CDH12: variants seen among roughly 807,000 people sequenced by gnomAD.
The protein encoded by CDH12 is cadherin-12.
A neutral mutation model predicts 74.1 loss-of-function variants in CDH12; 41 were observed. The ratio of observed to expected loss-of-function variants is 0.55; its 90% CI spans 0.43 to 0.72. The LOEUF (loss-of-function observed/expected upper bound fraction) is 0.72. CDH12 is among the 30% of genes least tolerant of loss of function. CDH12 has a pLI of 0.00. For missense variants in CDH12, 945 were observed against 977.2 expected, an observed-to-expected ratio of 0.97 and a Z score of 0.44; for synonymous variants, 399 against 355.0, an observed-to-expected ratio of 1.12 and a Z score of -1.39.
intron 1 of CDH12, among the ~76,000 whole-genome samples, chr5:22,515,945 C>A (rs1428617977): frequency 6.6e-6 from 1 of 151,854 alleles, no homozygotes; most frequent in African/African-American, 2.4e-5. Flanking sequence ...AATTATTATC[C>A]TGATCATATG....
chr5:22,537,736 G>A (rs919915181), intron 1 of CDH12, among the ~76,000 whole-genome samples: 4 of 152,128 alleles, frequency 2.6e-5, no homozygotes, highest in African/African-American at 4.8e-5. Flanking sequence ...CTTAGAGAGC[G>A]CTCCTGACCG....
intron 5 of CDH12, among the ~76,000 whole-genome samples, chr5:22,028,491 T>C (rs1359976408): frequency 2.0e-5 from 3 of 152,164 alleles, no homozygotes; most frequent in African/African-American, 7.2e-5. Context: ...AGCCAAATCG[T>C]GAGTGAACTC....
Position 22,502,985 on chromosome 5 carries a change from A to G in CDH12, c.-428+2285T>C, listed in dbSNP as rs150710356. Among the ~76,000 whole-genome samples the G allele has an allele frequency of 3.4e-4, 51 of 152,164 alleles. No homozygotes were observed. The East Asian group carries it at 7.5e-3, about 22-fold the overall frequency. The stretch of plus-strand genomic sequence containing the variant: ...CATATTTTTATCTATTTCTCTTTAT[A>G]GTCTAGTTCAAATGTCCTTTGGCTG... On this transcript the variant is annotated intron_variant, in intron 2 of 14. Coordinates refer to ENST00000382254, the MANE Select transcript of CDH12 (RefSeq NM_004061.5).
At position 21,925,815 on chromosome 5, in the gene CDH12, T is replaced by G. The variant is rs552502886; in HGVS notation, c.526+49276A>C. Among the ~76,000 whole-genome samples the G allele has an allele frequency of 6.6e-5, 10 of 152,216 alleles. No individual in the cohort carries two copies. In the East Asian group the frequency reaches 1.9e-3, roughly 29 times the overall value. ...AGTGAGTATATGCACATACCATGCC[T>G]CATAACAGTGGGCAAAACAAGCTAG... is the stretch of plus-strand genomic sequence containing the variant. On this transcript the variant is annotated intron_variant, in intron 6 of 14. Transcript: ENST00000382254.
At chr5:22,571,433 T>C (rs1739534672) in intron 1 of CDH12, among the ~76,000 whole-genome samples, 1 of 152,248 alleles carries the variant, frequency 6.6e-6, no homozygotes, top group South Asian at 2.1e-4. Flanking sequence ...TTAAAGTGAT[T>C]CTCCTGCCTC....
At chr5:22,131,751 G>A (rs1746190586) in intron 4 of CDH12, among the ~76,000 whole-genome samples, 2 of 152,238 alleles carry the variant, frequency 1.3e-5, no homozygotes, top group South Asian at 4.1e-4. Flanking sequence ...CCTAAGGAAG[G>A]ATACATTCAT....
At chr5:22,030,630 T>G (rs1320426484) in intron 5 of CDH12, among the ~76,000 whole-genome samples, 2 of 152,200 alleles carry the variant, frequency 1.3e-5, no homozygotes, top group African/African-American at 4.8e-5. Context: ...AAGGAAAATG[T>G]GCATTGGCTT....
intron 1 of CDH12, among the ~76,000 whole-genome samples, chr5:22,847,946 C>T (rs1192755404): frequency 3.3e-5 from 5 of 151,710 alleles, no homozygotes; most frequent in South Asian, 2.1e-4. Context: ...AGCAATGGTG[C>T]GATCTCGGCT....
intron 2 of CDH12, among the ~76,000 whole-genome samples, chr5:22,486,750 G>C (rs974674126): frequency 2.0e-5 from 3 of 151,898 alleles, no homozygotes; most frequent in Admixed American, 2.0e-4. Context: ...ACTGTGCCCG[G>C]CCAGTAACTT....
intron 5 of CDH12, among the ~76,000 whole-genome samples, chr5:22,020,854 G>A (rs182251413): frequency 5.3e-5 from 8 of 151,642 alleles, no homozygotes; most frequent in Admixed American, 4.6e-4. Flanking sequence ...TGGGGAGGGG[G>A]CACAATTCAG....
At chr5:22,219,196 T>G (rs1227529594) in intron 3 of CDH12, among the ~76,000 whole-genome samples, 1 of 151,732 alleles carries the variant, frequency 6.6e-6, no homozygotes, top group Non-Finnish European at 1.5e-5. Context: ...TGACAATAAA[T>G]TACGAGAAAT....
intron 1 of CDH12, among the ~76,000 whole-genome samples, chr5:22,523,990 T>A (rs200097136): frequency 0.16 from 24,535 of 149,768 alleles, 2,581 homozygotes; most frequent in East Asian, 0.36. Context: ...TATTTTTTTT[T>A]TTTTTTTTTG....
At chr5:21,853,354 G>A (rs926369147) in intron 7 of CDH12, among the ~76,000 whole-genome samples, 1 of 151,484 alleles carries the variant, frequency 6.6e-6, no homozygotes, top group Non-Finnish European at 1.5e-5. Flanking sequence ...CTTCAGTACC[G>A]ATACTCCCTT....
At chr5:22,054,885 C>G (rs916546239) in intron 5 of CDH12, among the ~76,000 whole-genome samples, 5 of 152,134 alleles carry the variant, frequency 3.3e-5, no homozygotes, top group Non-Finnish European at 7.4e-5. Context: ...CCACAATGGG[C>G]ATATCCTGGG....
At chr5:22,198,879 TTTTA>T (rs57356477) in intron 4 of CDH12, among the ~76,000 whole-genome samples, 11 of 150,412 alleles carry the variant, frequency 7.3e-5, no homozygotes, top group South Asian at 4.2e-4. Flanking sequence ...CATTTTTTAT[TTTTA>T]TTTATTTATT....
intron 3 of CDH12, among the ~76,000 whole-genome samples, chr5:22,232,799 G>T (rs1181208943): frequency 6.7e-6 from 1 of 149,276 alleles, no homozygotes; most frequent in Non-Finnish European, 1.5e-5. Flanking sequence ...TTCTCTCTAA[G>T]AAATGTACTC....
At chr5:21,831,047 A>G (rs1377242609) in intron 8 of CDH12, among the ~76,000 whole-genome samples, 1 of 126,342 alleles carries the variant, frequency 7.9e-6, no homozygotes, top group Non-Finnish European at 1.6e-5. Context: ...TCAAAAAAAG[A>G]AAACAAAAAC....
At chr5:21,834,295 T>C (rs1414176912) in intron 8 of CDH12, among the ~76,000 whole-genome samples, 1 of 151,840 alleles carries the variant, frequency 6.6e-6, no homozygotes, top group Non-Finnish European at 1.5e-5. Flanking sequence ...ACACACAACA[T>C]CAAAGTTCTA....
chr5:22,276,157 T>C (rs541256296), intron 3 of CDH12, among the ~76,000 whole-genome samples: 23 of 152,210 alleles, frequency 1.5e-4, no homozygotes, highest in African/African-American at 3.4e-4. Flanking sequence ...TGTTCTGAGA[T>C]TGAATTATTT....
Sources: allele counts gnomAD v4.1 joint callset (sites outside exome capture counted in the v4.1 genomes callset), GRCh38; gene constraint gnomAD v4.1.1; transcripts MANE v1.5; gene names NCBI Gene and HGNC (gene_info 2026-07-23, HGNC 2026-07-21).